NBEA: variants seen among roughly 807,000 people sequenced by gnomAD.
The protein encoded by NBEA is neurobeachin.
Under a neutral mutation model 343.4 loss-of-function variants are expected in NBEA, and 44 were observed. The ratio of observed to expected loss-of-function variants is 0.13; its 90% confidence interval spans 0.10 to 0.16. The LOEUF is 0.16. Among genes scored for constraint, NBEA ranks in the 10% least tolerant of loss-of-function variants. NBEA has a pLI of 1.00. For missense variants in NBEA, 2,555 were observed against 3,631.3 expected (o/e 0.70, Z 7.62); for synonymous variants, 1,175 against 1,238.7 (o/e 0.95, Z 1.08).
chr13:35,140,620 T>G (rs2068032932), intron 17 of NBEA, among the ~76,000 whole-genome samples: 1 of 152,180 alleles, frequency 6.6e-6, no homozygotes, highest in African/African-American at 2.4e-5. Flanking sequence ...TTTTGCTTTT[T>G]CCTTCCCTGG....
intron 34 of NBEA, among the ~76,000 whole-genome samples, chr13:35,235,135 G>A (rs956963850): frequency 2.0e-5 from 3 of 152,062 alleles, no homozygotes; most frequent in East Asian, 1.9e-4. Flanking sequence ...TCATAGTTAC[G>A]GATTCTAAAA....
At position 35,114,208 on chromosome 13, in the gene NBEA, A is replaced by C. The variant is rs561481063; in HGVS notation, c.2003-3206A>C. On this transcript the variant is annotated intron_variant, in intron 13 of 58. Transcript: ENST00000379939. ...AAATGATGTTTATATCTATGTATATAGGTACATCTCAACTGATTTATCTGT... is the reference window on the plus strand; with the variant it reads ...AAATGATGTTTATATCTATGTATATCGGTACATCTCAACTGATTTATCTGT... Among the ~76,000 whole-genome samples, 15 of 152,254 alleles carry C rather than the reference A, an allele frequency of 9.9e-5. No homozygotes were observed. The South Asian group carries it at 2.5e-3, about 25-fold the overall frequency.
At chr13:35,088,420 A>T (rs945038512) in intron 10 of NBEA, among the ~76,000 whole-genome samples, 1 of 151,880 alleles carries the variant, frequency 6.6e-6, no homozygotes, top group Non-Finnish European at 1.5e-5. Flanking sequence ...ATTGTAATAT[A>T]ATCCAATTTC....
intron 48 of NBEA, among the ~76,000 whole-genome samples, chr13:35,607,177 G>A (rs1209730712): frequency 6.6e-6 from 1 of 152,132 alleles, no homozygotes. Context: ...AGCCTCTTGA[G>A]TAGCTGGGGT....
chr13:35,232,569 T>A lies in NBEA; in HGVS notation c.5726T>A (p.Phe1909Tyr). Reference sequence around the variant, plus strand: ...GAAATTTTTGTAGACTTTGCCCCATTCCTATCTCGTACACTTCTTGGCAGT... The same window carrying A: ...GAAATTTTTGTAGACTTTGCCCCATACCTATCTCGTACACTTCTTGGCAGT... Reference protein sequence around the residue: ...LREIFVDFAPFLSRTLLGSHG... With the variant: ...LREIFVDFAPYLSRTLLGSHG... Residue 1909 changes from phenylalanine (F) to tyrosine (Y), a missense_variant, in exon 34 of 59, where the codon TTC becomes TAC. Physicochemically the swap from Phe to Tyr is conservative, Grantham distance 22 (BLOSUM62 3). Around this residue, in one of 21 missense-constraint regions of NBEA, gnomAD observed 84 missense variants for 196.4 expected, o/e 0.43. Transcript: ENST00000379939. 6.4e-7 allele frequency: 1 copy of A among 1,558,056 alleles called. No individual in the cohort carries two copies. Among genetic ancestry groups the A allele is most frequent in the Non-Finnish European group, 8.7e-7 (1 of 1,148,624 alleles).
intron 41 of NBEA, chr13:35,475,419 T>G: frequency 6.2e-7 from 1 of 1,613,522 alleles, no homozygotes; most frequent in Non-Finnish European, 8.5e-7. Flanking sequence ...CCATCTGCAG[T>G]CTGTTCTCTG....
intron 16 of NBEA, among the ~76,000 whole-genome samples, chr13:35,122,853 G>A (rs566114233): frequency 2.2e-4 from 34 of 152,208 alleles, no homozygotes; most frequent in African/African-American, 7.0e-4. Context: ...GAAACAAAAC[G>A]TTACTGTTCT....
At chr13:35,614,005 C>T (rs886333789) in intron 48 of NBEA, among the ~76,000 whole-genome samples, 2 of 152,148 alleles carry the variant, frequency 1.3e-5, no homozygotes, top group African/African-American at 4.8e-5. Flanking sequence ...CACATCTTTG[C>T]CAACACTTAT....
At chr13:35,219,463 G>A (rs1480721936) in intron 33 of NBEA, among the ~76,000 whole-genome samples, 2 of 152,060 alleles carry the variant, frequency 1.3e-5, no homozygotes, top group Non-Finnish European at 2.9e-5. Context: ...AGAATTTAGG[G>A]CACCTCTAAC....
At chr13:35,452,370 C>A in intron 40 of NBEA, 135 bp downstream of exon 40, 1 of 663,576 alleles carries the variant, frequency 1.5e-6, no homozygotes, top group Non-Finnish European at 2.6e-6. Context: ...TAAAACTCTA[C>A]TTTATCTCAT....
At chr13:35,496,534 T>G (rs538504563) in intron 41 of NBEA, among the ~76,000 whole-genome samples, 1 of 148,870 alleles carries the variant, frequency 6.7e-6, no homozygotes, top group Non-Finnish European at 1.5e-5. Context: ...TTCAGTAGGC[T>G]AAGGTGGAAG....
intron 41 of NBEA, among the ~76,000 whole-genome samples, chr13:35,517,914 A>G (rs1275838970): frequency 2.6e-5 from 4 of 152,226 alleles, no homozygotes; most frequent in Admixed American, 2.0e-4. Context: ...AAATTATCTG[A>G]CAGTCTCAAT....
At chr13:35,454,702 T>C (rs1383426032) in intron 40 of NBEA, among the ~76,000 whole-genome samples, 1 of 151,694 alleles carries the variant, frequency 6.6e-6, no homozygotes, top group Non-Finnish European at 1.5e-5. Flanking sequence ...CTACTAAAAA[T>C]ACAAAAAATT....
At chr13:35,567,052 A>T (rs769289647) in intron 45 of NBEA, 35 bp downstream of exon 45, 3 of 1,134,936 alleles carry the variant, frequency 2.6e-6, no homozygotes, top group Non-Finnish European at 4.0e-6. Flanking sequence ...AGCTTTCTTC[A>T]TAAGGCTATA....
Position 35,034,512 on chromosome 13 carries a change from G to A in NBEA, c.295-6421G>A, listed in dbSNP as rs190736132. Among the ~76,000 whole-genome samples the A allele has an allele frequency of 4.6e-5, 7 of 151,626 alleles. No homozygotes were observed. The East Asian group carries it at 1.4e-3, about 29-fold the overall frequency. ...TTTTTATGTGTCTGTGACTGGTTTT[G>A]GTATCCGGGTAATACGGGCCTCATG... On this transcript the variant is annotated intron_variant, in intron 1 of 58. Transcript: ENST00000379939.
chr13:35,397,491 A>T, intron 38 of NBEA, among the ~76,000 whole-genome samples: 1 of 152,216 alleles, frequency 6.6e-6, no homozygotes, highest in East Asian at 1.9e-4. Context: ...TAACTACAGG[A>T]GAATGTAAAC....
intron 38 of NBEA, among the ~76,000 whole-genome samples, chr13:35,360,004 A>G (rs987136474): frequency 6.6e-6 from 1 of 152,034 alleles, no homozygotes; most frequent in Non-Finnish European, 1.5e-5. Flanking sequence ...TAACAACTGT[A>G]AGGAAGACAT....
At chr13:35,343,676 A>T (rs1251767319) in intron 36 of NBEA, among the ~76,000 whole-genome samples, 1 of 152,092 alleles carries the variant, frequency 6.6e-6, no homozygotes. Context: ...GCAGTATTAG[A>T]TTATCATAGG....
rs554861995 is a variant in NBEA, at chr13:35,582,218, G to A, written c.7036-1680G>A. ...GGAGAATGGCGTGAACCCAGGAGGC[G>A]GAGCTTGCAGCGAGCCCAGATCGCG... On this transcript the variant is annotated intron_variant, in intron 45 of 58. Coordinates refer to ENST00000379939, the MANE Select transcript of NBEA (RefSeq NM_001385012.1). Among the ~76,000 whole-genome samples, 32 of 152,158 alleles carry A rather than the reference G, an allele frequency of 2.1e-4. No homozygotes were observed. The South Asian group carries it at 5.4e-3, about 26-fold the overall frequency.
Sources: allele counts gnomAD v4.1 joint callset (sites outside exome capture counted in the v4.1 genomes callset), GRCh38; gene constraint gnomAD v4.1.1; regional missense constraint gnomAD v4.1.1; transcripts MANE v1.5; gene names NCBI Gene and HGNC (gene_info 2026-07-23, HGNC 2026-07-21).